Variants in DDX42 observed in about 807,000 individuals in gnomAD.
DDX42 encodes DEAD-box helicase 42, also known as ATP-dependent RNA helicase DDX42.
DDX42 carries 22 observed loss-of-function variants against 101.5 expected under a neutral mutation model. That is an observed-to-expected ratio of 0.22 (90% CI 0.15 to 0.31). DDX42 has a LOEUF of 0.31. Ranked by LOEUF, DDX42 falls within the 10% of genes least tolerant of loss-of-function variation. The probability of loss-of-function intolerance (pLI) is 1.00; values close to 1 mark genes in which losing one functional copy is unlikely to be tolerated. For synonymous variants in DDX42, 402 were observed against 401.2 expected (o/e 1.00, Z -0.02); for missense variants, 849 against 1,199.9 (o/e 0.71, Z 4.32).
chr17:63,810,556 G>A lies in DDX42; in HGVS notation c.1296G>A (p.Arg432=). 2 of 1,613,972 alleles carry A rather than the reference G, an allele frequency of 1.2e-6. No individual in the cohort carries two copies. The highest frequency in any genetic ancestry group is 1.7e-6 in the Non-Finnish European group (2 of 1,179,968). The change falls in exon 12 of 18, where the codon AGG becomes AGA. Residue 432 remains arginine, a synonymous_variant. Coordinates refer to ENST00000389924, the MANE Select transcript of DDX42 (RefSeq NM_203499.3). The part of the protein sequence containing the change: ...RSIASHVRPD[R]QTLLFSATFR... ...TAGCAAGTCATGTTCGTCCTGACAG[G>A]CAGAGTATGTATGAAGCACCTTTGT... is the stretch of plus-strand genomic sequence containing the variant.
At chr17:63,803,670 G>C (rs2039801823) in intron 6 of DDX42, among the ~76,000 whole-genome samples, 1 of 149,326 alleles carries the variant, frequency 6.7e-6, no homozygotes, top group Non-Finnish European at 1.5e-5. Context: ...TTTTTGAGAT[G>C]GAGTCCTGCT....
intron 11 of DDX42, 77 bp downstream of exon 11, chr17:63,809,736 T>G: frequency 8.3e-7 from 1 of 1,205,810 alleles, no homozygotes; most frequent in Non-Finnish European, 1.2e-6. Flanking sequence ...CTAGACTGTT[T>G]TTTCAGCATG....
intron 16 of DDX42, 32 bp downstream of exon 16, chr17:63,815,705 T>C (rs1039596851): frequency 1.4e-6 from 2 of 1,467,406 alleles, no homozygotes; most frequent in African/African-American, 2.8e-5. Context: ...AGTGCCTTTA[T>C]AGTTGGTCTC....
chr17:63,789,333 C>T (rs954776565), intron 2 of DDX42, among the ~76,000 whole-genome samples: 1 of 152,018 alleles, frequency 6.6e-6, no homozygotes, highest in Admixed American at 6.6e-5. Flanking sequence ...CCCGCCTCAG[C>T]CTCCCAAAAT....
At chr17:63,813,129 G>C (rs1598342928) in intron 14 of DDX42, 99 bp from the exon 15 acceptor site, 1 of 1,149,416 alleles carries the variant, frequency 8.7e-7, no homozygotes, top group Non-Finnish European at 1.2e-6. Flanking sequence ...GCTTTGCCTA[G>C]ATAAAGGAAA....
chr17:63,808,799 AT>A lies in DDX42; in HGVS notation c.1024-20del. On this transcript the variant is annotated intron_variant, in intron 9 of 17. Coordinates refer to ENST00000389924, the MANE Select transcript of DDX42 (RefSeq NM_203499.3). Reference sequence around the variant, plus strand: ...TTTGTTAGTGTCACAGTTTGTTAATATATTATTCACAACTTTGTAGATCCAT... The same window carrying A: ...TTTGTTAGTGTCACAGTTTGTTAATAATTATTCACAACTTTGTAGATCCAT... The A allele has an allele frequency of 1.9e-6, 3 of 1,612,946 alleles. No homozygotes were observed. The highest frequency in any genetic ancestry group is 2.5e-6 in the Non-Finnish European group (3 of 1,179,416).
chr17:63,789,561 TTTTG>T (rs2039597963), intron 2 of DDX42, among the ~76,000 whole-genome samples: 7 of 59,068 alleles, frequency 1.2e-4, no homozygotes, highest in East Asian at 5.5e-4. Flanking sequence ...TTGTTTTTGT[TTTTG>T]TTTTTGTTTT....
intron 3 of DDX42, among the ~76,000 whole-genome samples, chr17:63,793,879 T>TATATATATATATATATATAA (rs780884817): frequency 3.6e-4 from 37 of 103,028 alleles, no homozygotes; most frequent in African/African-American, 1.4e-3. Context: ...TATATATATA[T>TATATATATATATATATATAA]AATTTTTTAA....
chr17:63,814,257 C>A (rs1347217610), intron 15 of DDX42, among the ~76,000 whole-genome samples: 2 of 152,206 alleles, frequency 1.3e-5, no homozygotes, highest in Non-Finnish European at 2.9e-5. Context: ...TCTAACAAAT[C>A]AAACCTGGAG....
chr17:63,813,186 T>C (rs1295802357), intron 14 of DDX42, 42 bp from the exon 15 acceptor site: 5 of 1,536,784 alleles, frequency 3.3e-6, no homozygotes, highest in Middle Eastern at 1.9e-4. Flanking sequence ...ATCTTCTGAC[T>C]ACAGATGAAG....
At chr17:63,791,979 G>A (rs114647459) in intron 2 of DDX42, among the ~76,000 whole-genome samples, 2,515 of 151,970 alleles carry the variant, frequency 0.017, 64 homozygotes, top group African/African-American at 0.058. Flanking sequence ...CCCAGAAGGC[G>A]GGGGTTGCAG....
intron 6 of DDX42, among the ~76,000 whole-genome samples, chr17:63,803,270 G>C (rs1490115086): frequency 1.3e-5 from 2 of 152,146 alleles, no homozygotes; most frequent in Non-Finnish European, 2.9e-5. Flanking sequence ...ATGACCACTT[G>C]TCAAGTTTTA....
In DDX42 at chr17:63,817,876, C is replaced by G. The variant is rs1167537845; in HGVS notation, c.2295C>G (p.Gly765=). 1.2e-6 allele frequency: 2 copies of G among 1,614,198 alleles called. No homozygotes were observed. The highest frequency in any genetic ancestry group is 1.6e-4 in the Middle Eastern group (1 of 6,062). ...PVTSAAKGIP[G]FGNTGNISGA... ...CCAGTGCCGCCAAGGGCATCCCAGG[C>G]TTTGGCAATACTGGCAACATCAGTG... The change falls in exon 18 of 18, where the codon GGC becomes GGG. Residue 765 remains glycine, a synonymous_variant. Transcript: ENST00000389924.
chr17:63,810,437 T>C (rs1366359099), intron 11 of DDX42, 76 bp from the exon 12 acceptor site: 19 of 1,486,648 alleles, frequency 1.3e-5, no homozygotes, highest in Non-Finnish European at 1.8e-5. Flanking sequence ...ATGAAGACTT[T>C]TACTAATATG....
At chr17:63,796,196 A>T (rs1008805085) in intron 3 of DDX42, among the ~76,000 whole-genome samples, 1 of 152,232 alleles carries the variant, frequency 6.6e-6, no homozygotes, top group African/African-American at 2.4e-5. Flanking sequence ...GAATTAAAAG[A>T]AAAATTAGCT....
At chr17:63,775,445 G>A (rs1211035596) in intron 1 of DDX42, among the ~76,000 whole-genome samples, 1 of 152,154 alleles carries the variant, frequency 6.6e-6, no homozygotes, top group African/African-American at 2.4e-5. Context: ...GTTAGAAGAT[G>A]ATCAGTATCT....
intron 7 of DDX42, 126 bp downstream of exon 7, chr17:63,805,301 G>A: frequency 2.5e-6 from 3 of 1,186,412 alleles, no homozygotes; most frequent in Non-Finnish European, 3.5e-6. Flanking sequence ...CTTTGCCAGA[G>A]TAATTATTAT....
intron 1 of DDX42, among the ~76,000 whole-genome samples, chr17:63,780,998 CTA>C (rs1254415797): frequency 6.6e-6 from 1 of 151,996 alleles, no homozygotes; most frequent in Non-Finnish European, 1.5e-5. Flanking sequence ...ATAAACATGC[CTA>C]TGTTTCTTTA....
intron 13 of DDX42, chr17:63,811,643 A>G: frequency 1.9e-6 from 1 of 519,218 alleles, no homozygotes; most frequent in Non-Finnish European, 3.5e-6. Context: ...GGGACTTGGA[A>G]TTCAGTTATG....
Sources: allele counts gnomAD v4.1 joint callset (sites outside exome capture counted in the v4.1 genomes callset), GRCh38; gene constraint gnomAD v4.1.1; transcripts MANE v1.5; gene names NCBI Gene and HGNC (gene_info 2026-07-23, HGNC 2026-07-21).